OSBPL9: variants seen among roughly 807,000 people sequenced by gnomAD.
OSBPL9 encodes oxysterol binding protein like 9.
Under a neutral mutation model 106.6 loss-of-function variants are expected in OSBPL9, and 40 were observed. The ratio of observed to expected loss-of-function variants is 0.38; its 90% CI spans 0.29 to 0.49. OSBPL9 has a LOEUF of 0.49. Among genes scored for constraint, OSBPL9 ranks in the 20% least tolerant of loss-of-function variants. The probability of loss-of-function intolerance (pLI) is 0.97; values close to 1 mark genes in which losing one functional copy is unlikely to be tolerated. For missense variants in OSBPL9, 609 were observed against 887.2 expected (o/e 0.69, Z 3.98); for synonymous variants, 269 against 295.4 (o/e 0.91, Z 0.92).
At chr1:51,588,082 T>C (rs936752736) in intron 1 of OSBPL9, among the ~76,000 whole-genome samples, 6 of 152,178 alleles carry the variant, frequency 3.9e-5, no homozygotes, top group Non-Finnish European at 7.4e-5. Context: ...AGTAAAATTA[T>C]GTATACAGAA....
intron 12 of OSBPL9, among the ~76,000 whole-genome samples, chr1:51,766,487 G>A (rs1057443133): frequency 6.6e-6 from 1 of 152,148 alleles, no homozygotes; most frequent in Non-Finnish European, 1.5e-5. Flanking sequence ...ACTTTTGGGG[G>A]AATAGGCAGA....
the OSBPL9 span, among the ~76,000 whole-genome samples, chr1:51,551,731 C>T: frequency 5.9e-5 from 9 of 151,984 alleles, 1 homozygote; most frequent in South Asian, 1.7e-3. Context: ...GGACTACAGG[C>T]ACATGCCACT....
the OSBPL9 span, among the ~76,000 whole-genome samples, chr1:51,532,185 G>T: frequency 0.019 from 2,935 of 152,326 alleles, 47 homozygotes; most frequent in Non-Finnish European, 0.031. Context: ...AAGAAAAACA[G>T]ATAATTCTCT....
chr1:51,538,270 C>T, the OSBPL9 span, among the ~76,000 whole-genome samples: 1 of 152,024 alleles, frequency 6.6e-6, no homozygotes, highest in African/African-American at 2.4e-5. Context: ...CCAGCCTGGG[C>T]AACAGAGCAC....
At chr1:51,569,230 A>C in the OSBPL9 span, among the ~76,000 whole-genome samples, 1 of 152,140 alleles carries the variant, frequency 6.6e-6, no homozygotes, top group Non-Finnish European at 1.5e-5. Flanking sequence ...ACAATGCCTT[A>C]TTGTAGTGTA....
intron 2 of OSBPL9, among the ~76,000 whole-genome samples, chr1:51,667,715 A>C (rs1648850213): frequency 6.6e-6 from 1 of 152,228 alleles, no homozygotes; most frequent in South Asian, 2.1e-4. Context: ...TTAATCACAA[A>C]TTACATTAAC....
the OSBPL9 span, among the ~76,000 whole-genome samples, chr1:51,543,956 G>A: frequency 6.6e-6 from 1 of 152,292 alleles, no homozygotes; most frequent in African/African-American, 2.4e-5. Flanking sequence ...GAGAATGCTG[G>A]CTAGGACAAT....
intron 3 of OSBPL9, among the ~76,000 whole-genome samples, chr1:51,680,421 A>G (rs149281415): frequency 0.011 from 1,658 of 152,192 alleles, 15 homozygotes; most frequent in Non-Finnish European, 0.016. Flanking sequence ...TGCAAGGCCA[A>G]GGCGGGGTAG....
At chr1:51,693,315 C>T (rs1003630154) in intron 3 of OSBPL9, among the ~76,000 whole-genome samples, 27 of 150,424 alleles carry the variant, frequency 1.8e-4, no homozygotes, top group African/African-American at 6.4e-4. Context: ...AAGGCTGCTG[C>T]GAGCCATGTT....
chr1:51,541,088 G>A, the OSBPL9 span, among the ~76,000 whole-genome samples: 1 of 152,062 alleles, frequency 6.6e-6, no homozygotes, highest in Non-Finnish European at 1.5e-5. Context: ...CCAAGATCAT[G>A]CTATTGCACT....
chr1:51,605,458 A>G (rs960054475), intron 2 of OSBPL9, among the ~76,000 whole-genome samples: 3 of 152,094 alleles, frequency 2.0e-5, no homozygotes, highest in African/African-American at 7.2e-5. Flanking sequence ...AAATCTTCAT[A>G]GAAGAGATGA....
intron 3 of OSBPL9, among the ~76,000 whole-genome samples, chr1:51,683,954 A>G (rs994130645): frequency 6.6e-6 from 1 of 152,150 alleles, no homozygotes; most frequent in African/African-American, 2.4e-5. Flanking sequence ...ATGTTGGTCA[A>G]AGGGTACAAA....
intron 1 of OSBPL9, chr1:51,577,280 T>C (rs970212027): frequency 6.6e-6 from 1 of 152,154 alleles, no homozygotes; most frequent in Non-Finnish European, 1.5e-5. Context: ...GCCTCGTTTC[T>C]TTATAAATTA....
In OSBPL9 at chr1:51,772,165, A is replaced by G. The variant is rs758406632; in HGVS notation, c.1034A>G (p.Asn345Ser). The change falls in exon 13 of 24, where the codon AAT becomes AGT. Residue 345 changes from asparagine to serine, a missense_variant. Physicochemically the swap from Asn to Ser is conservative, Grantham distance 46. Transcript: ENST00000428468. ...TTESLNSSLS[N>S]GTSDADLFDS... ...GAATCACTTAATTCTTCCTTGTCCA[A>G]TGGAACAAGTGATGCTGGTAAGTGA... is the stretch of plus-strand genomic sequence containing the variant. The G allele has an allele frequency of 5.0e-6, 8 of 1,612,414 alleles. No individual in the cohort carries two copies. The highest frequency in any genetic ancestry group is 2.2e-5 in the South Asian group (2 of 90,962).
At chr1:51,612,988 A>G (rs1643998807), upstream of OSBPL9, among the ~76,000 whole-genome samples, 1 of 152,226 alleles carries the variant, frequency 6.6e-6, no homozygotes, top group Non-Finnish European at 1.5e-5. Context: ...GTGTGATAGT[A>G]CAAATCTTGA....
intron 6 of OSBPL9, among the ~76,000 whole-genome samples, chr1:51,747,947 GC>G (rs950238942): frequency 4.9e-4 from 74 of 152,042 alleles, no homozygotes; most frequent in African/African-American, 1.7e-3. Context: ...CTGCCACCAC[GC>G]CCAGCTAATT....
At chr1:51,780,660 G>T (rs780576016) in intron 15 of OSBPL9, among the ~76,000 whole-genome samples, 8 of 152,144 alleles carry the variant, frequency 5.3e-5, no homozygotes, top group African/African-American at 1.2e-4. Flanking sequence ...CCAGCTACTC[G>T]GGAGGCTGAG....
intron 2 of OSBPL9, among the ~76,000 whole-genome samples, chr1:51,662,770 A>T (rs1647346365): frequency 7.0e-6 from 1 of 143,602 alleles, no homozygotes; most frequent in South Asian, 2.2e-4. Flanking sequence ...TTTGAGACAG[A>T]GTCTCGCTCT....
upstream of OSBPL9, among the ~76,000 whole-genome samples, chr1:51,576,984 T>G (rs1450082244): frequency 2.6e-5 from 4 of 152,178 alleles, no homozygotes; most frequent in Admixed American, 1.3e-4. Flanking sequence ...TGGGGCATGG[T>G]GGGAGGTGTT....
Sources: allele counts gnomAD v4.1 joint callset (sites outside exome capture counted in the v4.1 genomes callset), GRCh38; gene constraint gnomAD v4.1.1; transcripts MANE v1.5; gene names NCBI Gene and HGNC (gene_info 2026-07-23, HGNC 2026-07-21).